TMEM132A: variants seen among roughly 807,000 people sequenced by gnomAD.
TMEM132A encodes the protein GRP78-binding protein.
TMEM132A carries 48 observed loss-of-function variants against 69.9 expected under a neutral mutation model. The ratio of observed to expected loss-of-function variants is 0.69; its 90% CI spans 0.55 to 0.87. The LOEUF (loss-of-function observed/expected upper bound fraction) is 0.87. Among genes scored for constraint, TMEM132A ranks in the 40% least tolerant of loss-of-function variants. The pLI is 0.00. For synonymous variants in TMEM132A, 577 were observed against 613.7 expected (o/e 0.94, Z 0.88); for missense variants, 1,287 against 1,407.2 (o/e 0.91, Z 1.37).
At chr11:60,927,514 C>A in intron 2 of TMEM132A, 96 bp downstream of exon 2, 1 of 1,421,806 alleles carries the variant, frequency 7.0e-7, no homozygotes, top group Non-Finnish European at 9.6e-7. Flanking sequence ...CCCGGCTGTG[C>A]TCCCCATATT....
In TMEM132A at chr11:60,936,658, T is replaced by C. The variant is rs1244927496; in HGVS notation, c.2823T>C (p.Pro941=). The C allele has an allele frequency of 5.2e-6, 8 of 1,553,318 alleles. No individual in the cohort carries two copies. The highest frequency in any genetic ancestry group is 7.0e-6 in the Non-Finnish European group (8 of 1,151,072). The stretch of plus-strand genomic sequence containing the variant: ...CCCCTACCCTGGCCCCTGGCCCTCC[T>C]GGGGGCACCACCAGCTCCTCAAGCA... ...GEAPTLAPGP[P]GGTTSSSSTL... Residue 941 remains proline, a synonymous_variant, in exon 11 of 11, where the codon CCT becomes CCC. Transcript: ENST00000453848.
chr11:60,932,182 G>A (rs867740966), intron 7 of TMEM132A, 55 bp downstream of exon 7: 18 of 1,497,402 alleles, frequency 1.2e-5, no homozygotes, highest in Admixed American at 4.7e-5. Flanking sequence ...GCACAGTTAC[G>A]CACACACACC....
rs1273473723 is a variant in TMEM132A, at chr11:60,930,623, C to T, written c.980C>T (p.Thr327Ile). ...KGSRHHTTLI[T>I]CHRAGLTEPD... ...TCCAGGCACCACACCACCCTCATCA[C>T]CTGCCACCGTGCTGGGCTCACAGAG... The change falls in exon 5 of 11, where the codon ACC (threonine) becomes ATC (isoleucine). Residue 327 changes from threonine (T) to isoleucine (I), a missense_variant. Coordinates refer to ENST00000453848, the MANE Select transcript of TMEM132A (RefSeq NM_178031.3). 2 of 1,613,250 alleles carry T rather than the reference C, an allele frequency of 1.2e-6. No homozygotes were observed. Among genetic ancestry groups the T allele is most frequent in the South Asian group, 1.1e-5 (1 of 90,990 alleles).
intron 5 of TMEM132A, 54 bp downstream of exon 5, chr11:60,930,713 T>A: frequency 6.5e-7 from 1 of 1,530,836 alleles, no homozygotes; most frequent in Non-Finnish European, 8.8e-7. Flanking sequence ...GGTTATAGAG[T>A]GCAGTTGAGC....
Position 60,928,881 on chromosome 11 carries a change from A to G in TMEM132A, c.787A>G (p.Met263Val). Residue 263 changes from methionine (M) to valine (V), a missense_variant, in exon 4 of 11, where the codon ATG becomes GTG. Physicochemically the swap from Met to Val is conservative, Grantham distance 21. Coordinates refer to ENST00000453848, the MANE Select transcript of TMEM132A (RefSeq NM_178031.3). ...DEAVTLRVPD[M>V]PVRPGQLFSA... Reference sequence around the variant, plus strand: ...GGCTGTGACTCTGCGGGTGCCTGACATGCCAGTGCGGCCCGGCCAGCTCTT... The same window carrying G: ...GGCTGTGACTCTGCGGGTGCCTGACGTGCCAGTGCGGCCCGGCCAGCTCTT... The G allele has an allele frequency of 1.2e-6, 2 of 1,612,814 alleles. No homozygotes were observed. The highest frequency in any genetic ancestry group is 1.7e-6 in the Non-Finnish European group (2 of 1,180,008).
At chr11:60,929,031 C>T in intron 4 of TMEM132A, 71 bp downstream of exon 4, 1 of 1,491,580 alleles carries the variant, frequency 6.7e-7, no homozygotes, top group Non-Finnish European at 9.2e-7. Flanking sequence ...GGTACCTGCT[C>T]CTCCTGGGGT....
Position 60,924,724 on chromosome 11 carries a change from G to A in TMEM132A, c.91G>A (p.Val31Ile), listed in dbSNP as rs764319138. Residue 31 changes from valine to isoleucine, a missense_variant, in exon 1 of 11, where the codon GTC becomes ATC. Coordinates refer to ENST00000453848, the MANE Select transcript of TMEM132A (RefSeq NM_178031.3). ...CCTCCTGGTGGCCCTCGCCCTGGACGTCGTGAGAGGTCAGCGGGAGGGGAG... is the reference window on the plus strand; with the variant it reads ...CCTCCTGGTGGCCCTCGCCCTGGACATCGTGAGAGGTCAGCGGGAGGGGAG... ...LCLLVALALD[V>I]VRVDCGQAPL... 12 of 1,571,736 alleles carry A rather than the reference G, an allele frequency of 7.6e-6. No individual in the cohort carries two copies. The highest frequency in any genetic ancestry group is 1.7e-5 in the Admixed American group (1 of 57,768).
Position 60,932,005 on chromosome 11 carries a change from G to A in TMEM132A, c.1234G>A (p.Ala412Thr). 2.5e-6 allele frequency: 4 copies of A among 1,604,438 alleles called. No homozygotes were observed. The highest frequency in any genetic ancestry group is 3.4e-6 in the Non-Finnish European group (4 of 1,175,456). Residue 412 changes from alanine to threonine, a missense_variant, in exon 7 of 11, where the codon GCA (alanine) becomes ACA (threonine). By Grantham distance (58) the Ala-to-Thr change is moderately conservative. Coordinates refer to ENST00000453848, the MANE Select transcript of TMEM132A (RefSeq NM_178031.3). ...CCAGGCTGAGGAGCTGGTGAATACAGCACCACTGACTGGAGTGCCCCAGCA... is the reference window on the plus strand; with the variant it reads ...CCAGGCTGAGGAGCTGGTGAATACAACACCACTGACTGGAGTGCCCCAGCA... ...LAKAEELVNT[A>T]PLTGVPQHVP...
intron 7 of TMEM132A, 148 bp from the exon 8 acceptor site, chr11:60,933,394 G>A: frequency 1.6e-6 from 1 of 625,752 alleles, no homozygotes; most frequent in Non-Finnish European, 2.8e-6. Context: ...ATGTTGCCCA[G>A]GCTGGTCTCA....
chr11:60,935,566 C>T lies in TMEM132A; in HGVS notation c.2028+123C>T, dbSNP rs1334363477. 4 of 1,064,984 alleles carry T rather than the reference C, an allele frequency of 3.8e-6. No homozygotes were observed. The highest frequency in any genetic ancestry group is 5.4e-6 in the Non-Finnish European group (4 of 742,656). The allele number at this position is 1,064,984 out of a possible 1,614,324, so 66.0% of individuals were successfully genotyped here. Reference sequence around the variant, plus strand: ...TTAGGGTTTTCAGAGTGAGGACTGACTCTGTGAGGTAGTGAGCTCTCTGCA... The same window carrying T: ...TTAGGGTTTTCAGAGTGAGGACTGATTCTGTGAGGTAGTGAGCTCTCTGCA... On this transcript the variant is annotated intron_variant, in intron 10 of 10. Coordinates refer to ENST00000453848, the MANE Select transcript of TMEM132A (RefSeq NM_178031.3). The surrounding 1 kb of genome is among the most constrained non-coding windows in gnomAD (Gnocchi z 5.0).
chr11:60,932,156 G>A lies in TMEM132A; in HGVS notation c.1356+29G>A, dbSNP rs531039484. The A allele has an allele frequency of 9.9e-6, 15 of 1,515,812 alleles. No homozygotes were observed. In the South Asian group the frequency reaches 1.9e-4, roughly 19 times the overall value. The allele number at this position is 1,515,812 out of a possible 1,614,324, so 93.9% of individuals were successfully genotyped here. On this transcript the variant is annotated intron_variant, in intron 7 of 10. Coordinates refer to ENST00000453848, the MANE Select transcript of TMEM132A (RefSeq NM_178031.3). ...AGTGGCAGGTGCCCAGCTCATGTGA[G>A]TCTGCATTTGTGTGGGCACAGTTAC...
chr11:60,930,506 C>T lies in TMEM132A; in HGVS notation c.867-4C>T. 6.3e-7 allele frequency: 1 copy of T among 1,597,462 alleles called. No individual in the cohort carries two copies. The highest frequency in any genetic ancestry group is 8.5e-7 in the Non-Finnish European group (1 of 1,171,720). On this transcript the variant is annotated splice_polypyrimidine_tract_variant and splice_region_variant and intron_variant, in intron 4 of 10. Coordinates refer to ENST00000453848, the MANE Select transcript of TMEM132A (RefSeq NM_178031.3). ...CCAAACTGAGCCTATACTCTCTTCCCCAGGATCAAGGTGAAGAAGGGGCTG... is the reference window on the plus strand; with the variant it reads ...CCAAACTGAGCCTATACTCTCTTCCTCAGGATCAAGGTGAAGAAGGGGCTG...
chr11:60,924,856 G>A, intron 1 of TMEM132A, 123 bp downstream of exon 1: 1 of 687,040 alleles, frequency 1.5e-6, no homozygotes, highest in Admixed American at 3.3e-5. Context: ...TCGCCCCGCA[G>A]CGCCCTGAAG....
chr11:60,935,255 C>T lies in TMEM132A; in HGVS notation c.1840C>T (p.Arg614Cys), dbSNP rs756914665. ...TCCAGCTCCTTTCCACCCTCAGGTG[C>T]GTTCCCCACTGTCTGACTCCATCCT... ...REPGVTSIEV[R>C]SPLSDSILGE... is the part of the protein sequence containing the mutation. The change falls in exon 10 of 11, where the codon CGT (arginine) becomes TGT (cysteine). Residue 614 changes from arginine (R) to cysteine (C), a missense_variant. Physicochemically the swap from Arg to Cys is radical, Grantham distance 180. Coordinates refer to ENST00000453848, the MANE Select transcript of TMEM132A (RefSeq NM_178031.3). The surrounding 1 kb of genome is among the most constrained non-coding windows in gnomAD (Gnocchi z 5.0). 9 of 1,606,490 alleles carry T rather than the reference C, an allele frequency of 5.6e-6. No homozygotes were observed. Among genetic ancestry groups the T allele is most frequent in the South Asian group, 3.4e-5 (3 of 89,544 alleles).
rs561154210 is a variant in TMEM132A, at chr11:60,926,969, T to C, written c.101-235T>C. 69 of 593,514 alleles carry C rather than the reference T, an allele frequency of 1.2e-4. 1 individual carries two copies. The highest frequency in any genetic ancestry group is 1.0e-3 in the South Asian group (51 of 50,612). 36.8% of individuals were successfully genotyped at this position (593,514 alleles called of 1,614,324 possible). A position where few individuals can be genotyped will look rare whatever the true frequency, so the allele number is the denominator to read the frequency against. On this transcript the variant is annotated intron_variant, in intron 1 of 10. Transcript: ENST00000453848. Reference sequence around the variant, plus strand: ...GTCTGTGGAAAGTAGAAGGAATAGCTGGGAAGCATCCAGTCCTGGACTCAG... The same window carrying C: ...GTCTGTGGAAAGTAGAAGGAATAGCCGGGAAGCATCCAGTCCTGGACTCAG...
intron 3 of TMEM132A, 28 bp from the exon 4 acceptor site, chr11:60,928,601 G>A (rs1856401128): frequency 1.3e-6 from 2 of 1,597,186 alleles, no homozygotes; most frequent in Admixed American, 3.4e-5. Context: ...CCACCCCCAT[G>A]CCAATTACTG....
At chr11:60,934,195 C>A in intron 8 of TMEM132A, 2 of 388,698 alleles carry the variant, frequency 5.1e-6, no homozygotes, top group Non-Finnish European at 9.1e-6. Context: ...AGCTTCCAGG[C>A]CCTTCAGAGA....
At chr11:60,925,703 C>CCTG (rs1224920153) in intron 1 of TMEM132A, 1 of 152,282 alleles carries the variant, frequency 6.6e-6, no homozygotes, top group Non-Finnish European at 1.5e-5. Flanking sequence ...CTTTCAGCCA[C>CCTG]CTGCTCCCCA....
Position 60,929,045 on chromosome 11 carries a change from T to C in TMEM132A, c.866+85T>C, listed in dbSNP as rs73493062. Reference sequence around the variant, plus strand: ...AGGTACCTGCTCCTCCTGGGGTCCTTGCTGGAATCCTTGACCTCTGCAAAA... The same window carrying C: ...AGGTACCTGCTCCTCCTGGGGTCCTCGCTGGAATCCTTGACCTCTGCAAAA... On this transcript the variant is annotated intron_variant, in intron 4 of 10. Transcript: ENST00000453848. 10,775 of 1,413,158 alleles carry C rather than the reference T, an allele frequency of 7.6e-3. 618 individuals carry two copies. In the African/African-American group the frequency reaches 0.13, roughly 17 times the overall value. The allele number at this position is 1,413,158 out of a possible 1,614,324, so 87.5% of individuals were successfully genotyped here.
Sources: allele counts gnomAD v4.1 joint callset, GRCh38; gene constraint gnomAD v4.1.1; non-coding constraint Gnocchi (gnomAD v3.1); transcripts MANE v1.5; gene names NCBI Gene and HGNC (gene_info 2026-07-23, HGNC 2026-07-21).